N4BP1: variants seen among roughly 807,000 people sequenced by gnomAD.
The protein encoded by N4BP1 is NEDD4 binding protein 1.
A neutral mutation model predicts 70.9 loss-of-function variants in N4BP1; 21 were observed. The observed-to-expected ratio is 0.30, with a 90% confidence interval of 0.21 to 0.43. The LOEUF (loss-of-function observed/expected upper bound fraction) is 0.43, where lower values mean the gene tolerates loss of function less well. N4BP1 is among the 20% of genes least tolerant of loss of function. N4BP1 has a pLI of 1.00. For missense variants in N4BP1, 936 were observed against 1,069.4 expected, an observed-to-expected ratio of 0.88 and a Z score of 1.74; for synonymous variants, 387 against 394.6, an observed-to-expected ratio of 0.98 and a Z score of 0.23.
At chr16:48,553,265 T>C (rs918435042) in intron 3 of N4BP1, among the ~76,000 whole-genome samples, 4 of 152,222 alleles carry the variant, frequency 2.6e-5, no homozygotes, top group African/African-American at 9.6e-5. Flanking sequence ...AAAAGACATT[T>C]TTTAGAAAGT....
rs533092397 is a variant in N4BP1, at chr16:48,561,968, A to T, written c.675T>A (p.Ile225=). Residue 225 remains isoleucine, a synonymous_variant, in exon 2 of 7, where the codon ATT becomes ATA. Transcript: ENST00000262384. ...FTQNAATGLN[I]SRDETVLQEE... ...CCTGCAAAACAGTTTCATCTCTAGA[A>T]ATATTCAGCCCTGTGGCAGCATTCT... 2.2e-5 allele frequency: 35 copies of T among 1,613,946 alleles called. 1 individual carries two copies. The South Asian group carries it at 3.7e-4, about 17-fold the overall frequency.
chr16:48,561,049 G>GTTC lies in N4BP1; in HGVS notation c.1591_1593dup (p.Glu531dup). 6.2e-7 allele frequency: 1 copy of GTTC among 1,613,996 alleles called. No individual in the cohort carries two copies. The highest frequency in any genetic ancestry group is 8.5e-7 in the Non-Finnish European group (1 of 1,179,878). ...GATTTCATATTATTTGGAAGCAAGG[G>GTTC]TTCTGGCTGCTGGTGTAAACCATTT... is the stretch of plus-strand genomic sequence containing the variant. On this transcript the variant is annotated inframe_insertion, in exon 2 of 7. Coordinates refer to ENST00000262384, the MANE Select transcript of N4BP1 (RefSeq NM_153029.4).
chr16:48,610,062 G>A lies in N4BP1; in HGVS notation c.-90C>T. On this transcript the variant is annotated 5_prime_UTR_variant, in exon 1 of 7. Coordinates refer to ENST00000262384, the MANE Select transcript of N4BP1 (RefSeq NM_153029.4). ...CCGCTGCTCCCAAGCCAGTCAGGCG[G>A]CGTCGGCCCTTCCCGGCCGCCTCGC... The A allele has an allele frequency of 2.5e-6, 2 of 792,968 alleles. No homozygotes were observed. The highest frequency in any genetic ancestry group is 3.1e-6 in the Non-Finnish European group (2 of 646,566). 49.1% of individuals were successfully genotyped at this position (792,968 alleles called of 1,614,324 possible).
intron 1 of N4BP1, among the ~76,000 whole-genome samples, chr16:48,589,588 G>A (rs141858224): frequency 1.3e-5 from 2 of 152,198 alleles, no homozygotes; most frequent in Non-Finnish European, 2.9e-5. Flanking sequence ...TAACCAGTAA[G>A]TGTCTTGCCC....
Position 48,585,462 on chromosome 16 carries a change from C to A in N4BP1, c.199-23018G>T, listed in dbSNP as rs542731778. Among the ~76,000 whole-genome samples, 18 of 151,396 alleles carry A rather than the reference C, an allele frequency of 1.2e-4. 1 individual carries two copies. In the Middle Eastern group the frequency reaches 0.01, roughly 86 times the overall value. ...GACCAGCCTGGGCAACATGGTGAGA[C>A]CCTGTCTCTATTTAAAAAAAAAATA... is the stretch of plus-strand genomic sequence containing the variant. On this transcript the variant is annotated intron_variant, in intron 1 of 6. Transcript: ENST00000262384.
intron 1 of N4BP1, among the ~76,000 whole-genome samples, chr16:48,584,790 C>T (rs1169911868): frequency 6.6e-6 from 1 of 151,990 alleles, no homozygotes; most frequent in East Asian, 1.9e-4. Context: ...CTCAAAGAAA[C>T]CAATAGGTCA....
chr16:48,540,958 C>T lies in N4BP1; in HGVS notation c.*1946G>A, dbSNP rs1039341. On this transcript the variant is annotated 3_prime_UTR_variant, in exon 7 of 7. Coordinates refer to ENST00000262384, the MANE Select transcript of N4BP1 (RefSeq NM_153029.4). ...ATGAGCAATCCTTCCTTCCCATAGC[C>T]GAGAAAGGGAAAGGGGACAGGCCAA... 0.36 allele frequency: 54,874 copies of T among 151,982 alleles called. 10,138 individuals are homozygous for T. Among genetic ancestry groups the T allele is most frequent in the African/African-American group, 0.42 (17,343 of 41,400 alleles). 9.4% of individuals were successfully genotyped at this position (151,982 alleles called of 1,614,324 possible). A position where few individuals can be genotyped will look rare whatever the true frequency, so the allele number is the denominator to read the frequency against.
At chr16:48,598,921 G>C (rs944346733) in intron 1 of N4BP1, among the ~76,000 whole-genome samples, 3 of 151,990 alleles carry the variant, frequency 2.0e-5, no homozygotes, top group African/African-American at 7.3e-5. Flanking sequence ...ATATAAACTG[G>C]AATGGTAATA....
Position 48,561,044 on chromosome 16 carries a change from C to G in N4BP1, c.1599G>C (p.Leu533Phe), listed in dbSNP as rs1368335869. The G allele has an allele frequency of 1.2e-6, 2 of 1,613,856 alleles. No individual in the cohort carries two copies. The highest frequency in any genetic ancestry group is 1.7e-6 in the Non-Finnish European group (2 of 1,179,888). ...AGGCAGATTTCATATTATTTGGAAGCAAGGGTTCTGGCTGCTGGTGTAAAC... is the reference window on the plus strand; with the variant it reads ...AGGCAGATTTCATATTATTTGGAAGGAAGGGTTCTGGCTGCTGGTGTAAAC... Reference protein sequence around the residue: ...ENGLHQQPEPLLPNNMKSACE... With the variant: ...ENGLHQQPEPFLPNNMKSACE... The change falls in exon 2 of 7, where the codon TTG becomes TTC. Residue 533 changes from leucine (L) to phenylalanine (F), a missense_variant. By Grantham distance (22) the Leu-to-Phe change is conservative. Transcript: ENST00000262384.
chr16:48,601,814 A>C (rs1353494945), intron 1 of N4BP1, among the ~76,000 whole-genome samples: 1 of 152,216 alleles, frequency 6.6e-6, no homozygotes, highest in Non-Finnish European at 1.5e-5. Flanking sequence ...GGACTCAAGC[A>C]ATCTTAATGC....
intron 1 of N4BP1, among the ~76,000 whole-genome samples, chr16:48,608,550 A>G (rs560187613): frequency 1.3e-5 from 2 of 152,146 alleles, no homozygotes; most frequent in South Asian, 4.1e-4. Context: ...CTCTGGAAAC[A>G]AACTCCCTAG....
intron 1 of N4BP1, among the ~76,000 whole-genome samples, chr16:48,606,580 C>G (rs1567449202): frequency 6.6e-6 from 1 of 152,224 alleles, no homozygotes; most frequent in African/African-American, 2.4e-5. Flanking sequence ...TACGACAAAT[C>G]TTCCCTTTAA....
In N4BP1 at chr16:48,561,233, C is replaced by G. The variant is rs2151089334; in HGVS notation, c.1410G>C (p.Gln470His). The change falls in exon 2 of 7, where the codon CAG (glutamine) becomes CAC (histidine). Residue 470 changes from glutamine (Q) to histidine (H), a missense_variant. By Grantham distance (24) the Gln-to-His change is conservative. This residue lies in a region of N4BP1 where 515 missense variants were observed against 491.7 expected (regional missense o/e 1.05). Coordinates refer to ENST00000262384, the MANE Select transcript of N4BP1 (RefSeq NM_153029.4). ...INTFRTVPIE[Q>H]KHEVWGSNQN... Reference sequence around the variant, plus strand: ...GGTTTGAACCCCAGACTTCATGTTTCTGTTCTATTGGCACTGTTCTGAAAG... The same window carrying G: ...GGTTTGAACCCCAGACTTCATGTTTGTGTTCTATTGGCACTGTTCTGAAAG... The G allele has an allele frequency of 1.2e-6, 2 of 1,613,966 alleles. No homozygotes were observed. The highest frequency in any genetic ancestry group is 2.2e-5 in the East Asian group (1 of 44,884).
At chr16:48,545,920 G>A (rs1395609397) in intron 6 of N4BP1, among the ~76,000 whole-genome samples, 3 of 151,786 alleles carry the variant, frequency 2.0e-5, no homozygotes, top group South Asian at 2.1e-4. Flanking sequence ...CCAGCTCCTC[G>A]GGAGGCTAAG....
chr16:48,563,222 G>A (rs990903478), intron 1 of N4BP1, among the ~76,000 whole-genome samples: 1 of 152,022 alleles, frequency 6.6e-6, no homozygotes, highest in Non-Finnish European at 1.5e-5. Context: ...GGGAATGGTG[G>A]TGTGTGCCTA....
intron 1 of N4BP1, among the ~76,000 whole-genome samples, chr16:48,592,190 C>A (rs1964349432): frequency 6.6e-6 from 1 of 152,198 alleles, no homozygotes; most frequent in Non-Finnish European, 1.5e-5. Context: ...GGTCACACCA[C>A]TGCAATCTAG....
chr16:48,551,097 C>G (rs759253425), intron 4 of N4BP1, among the ~76,000 whole-genome samples: 1 of 152,140 alleles, frequency 6.6e-6, no homozygotes, highest in Non-Finnish European at 1.5e-5. Flanking sequence ...TCAAGCCTGC[C>G]ACACTAAGAC....
In N4BP1 at chr16:48,560,843, T is replaced by TA; in HGVS notation, c.1799dup (p.Ile602AsnfsTer10). 6.2e-7 allele frequency: 1 copy of TA among 1,613,994 alleles called. No individual in the cohort carries two copies. Among genetic ancestry groups the TA allele is most frequent in the Non-Finnish European group, 8.5e-7 (1 of 1,179,866 alleles). The stretch of plus-strand genomic sequence containing the variant: ...TTAATTCCAGCTTGTAGGGTATTTT[T>TA]AGAGTATCTCGAAACCTTTGAACCC... On this transcript the variant is annotated frameshift_variant, in exon 2 of 7. Coordinates refer to ENST00000262384, the MANE Select transcript of N4BP1 (RefSeq NM_153029.4). LOFTEE classifies it high-confidence loss of function.
chr16:48,544,004 A>G (rs1470129016), intron 6 of N4BP1, among the ~76,000 whole-genome samples: 1 of 152,226 alleles, frequency 6.6e-6, no homozygotes, highest in Non-Finnish European at 1.5e-5. Context: ...AGGAGCAAGC[A>G]GAGGACTCTC....
Sources: allele counts gnomAD v4.1 joint callset (sites outside exome capture counted in the v4.1 genomes callset), GRCh38; gene constraint gnomAD v4.1.1; regional missense constraint gnomAD v4.1.1; transcripts MANE v1.5; gene names NCBI Gene and HGNC (gene_info 2026-07-23, HGNC 2026-07-21).